Variants in LRRCC1 observed in about 807,000 individuals in gnomAD.
The protein encoded by LRRCC1 is leucine rich repeat and coiled-coil centrosomal protein 1.
Under a neutral mutation model 126.0 loss-of-function variants are expected in LRRCC1, and 115 were observed. That is an observed-to-expected ratio of 0.91 (90% confidence interval 0.78 to 1.07). The LOEUF is 1.07. LRRCC1 is among the 50% of genes least tolerant of loss of function. The pLI is 0.00. For synonymous variants in LRRCC1, 400 were observed against 393.4 expected, an observed-to-expected ratio of 1.02 and a Z score of -0.20; for missense variants, 1,172 against 1,175.7, an observed-to-expected ratio of 1.00 and a Z score of 0.05.
chr8:85,132,208 C>T (rs1810519740), intron 12 of LRRCC1, among the ~76,000 whole-genome samples: 1 of 152,112 alleles, frequency 6.6e-6, no homozygotes, highest in Non-Finnish European at 1.5e-5. Flanking sequence ...CCTGAATTCC[C>T]TCCTATTACT....
intron 18 of LRRCC1, among the ~76,000 whole-genome samples, chr8:85,144,552 T>A (rs1294684345): frequency 6.9e-6 from 1 of 145,340 alleles, no homozygotes; most frequent in Non-Finnish European, 1.5e-5. Context: ...TACTGCAACC[T>A]CCACCTCCTG....
intron 10 of LRRCC1, 51 bp downstream of exon 10, chr8:85,129,430 G>A: frequency 6.9e-7 from 1 of 1,439,662 alleles, no homozygotes; most frequent in African/African-American, 1.4e-5. Context: ...CAAATTCATA[G>A]CTTCTATCGT....
At chr8:85,145,260 A>T (rs1168377380) in intron 18 of LRRCC1, 129 bp from the exon 19 acceptor site, 1 of 660,896 alleles carries the variant, frequency 1.5e-6, no homozygotes, top group East Asian at 3.3e-5. Flanking sequence ...CATTTTACTG[A>T]CATTTCTTTA....
chr8:85,126,209 G>T (rs1809982117), intron 8 of LRRCC1, among the ~76,000 whole-genome samples: 2 of 152,066 alleles, frequency 1.3e-5, no homozygotes, highest in Non-Finnish European at 2.9e-5. Flanking sequence ...TTTATTGATT[G>T]GTTATTATGT....
intron 6 of LRRCC1, among the ~76,000 whole-genome samples, chr8:85,121,805 G>A (rs1809582027): frequency 6.6e-6 from 1 of 152,174 alleles, no homozygotes; most frequent in South Asian, 2.1e-4. Flanking sequence ...ACTTGAAACA[G>A]TCTACTTAGA....
Position 85,124,921 on chromosome 8 carries a change from A to T in LRRCC1, c.1254A>T (p.Ser418=). 3 of 1,603,166 alleles carry T rather than the reference A, an allele frequency of 1.9e-6. No homozygotes were observed. Among genetic ancestry groups the T allele is most frequent in the South Asian group, 1.1e-5 (1 of 88,500 alleles). Residue 418 remains serine, a synonymous_variant, in exon 8 of 19, where the codon TCA becomes TCT. Transcript: ENST00000360375. ...TAATTAAAGTAGACCAAAGTCACTCAGAAGACAACACTTACCAGGTATGAT... is the reference window on the plus strand; with the variant it reads ...TAATTAAAGTAGACCAAAGTCACTCTGAAGACAACACTTACCAGGTATGAT... ...TEIIKVDQSH[S]EDNTYQSLVE...
chr8:85,129,115 A>G, intron 9 of LRRCC1, 60 bp from the exon 10 acceptor site: 1 of 1,267,670 alleles, frequency 7.9e-7, no homozygotes, highest in Admixed American at 2.1e-5. Context: ...ATTGAAGTCA[A>G]CAATTTTATC....
intron 6 of LRRCC1, among the ~76,000 whole-genome samples, chr8:85,121,202 G>A (rs1175131993): frequency 6.6e-6 from 1 of 152,094 alleles, no homozygotes; most frequent in Non-Finnish European, 1.5e-5. Flanking sequence ...ATTTAAATGG[G>A]TCTTGTGGAC....
At chr8:85,137,425 G>T (rs1810948804) in intron 14 of LRRCC1, 39 bp from the exon 15 acceptor site, 1 of 1,392,204 alleles carries the variant, frequency 7.2e-7, no homozygotes. Flanking sequence ...AACCCCCAAG[G>T]TGTTTCAAAG....
At position 85,107,345 on chromosome 8, in the gene LRRCC1, A is replaced by G; in HGVS notation, c.50A>G (p.Glu17Gly). Residue 17 changes from glutamate (E) to glycine (G), a missense_variant, in exon 1 of 19, where the codon GAA becomes GGA. By Grantham distance (98) the Glu-to-Gly change is moderately conservative. Coordinates refer to ENST00000360375, the MANE Select transcript of LRRCC1 (RefSeq NM_033402.5). ...VVAAEAEVEN[E>G]DGDSSCGDVC... ...GCGGCAGAGGCGGAAGTGGAAAACG[A>G]AGACGGCGACAGCAGCTGCGGGGAT... 6.2e-7 allele frequency: 1 copy of G among 1,613,810 alleles called. No individual in the cohort carries two copies. Among genetic ancestry groups the G allele is most frequent in the Non-Finnish European group, 8.5e-7 (1 of 1,179,798 alleles).
intron 6 of LRRCC1, among the ~76,000 whole-genome samples, chr8:85,115,984 C>T (rs932634462): frequency 6.6e-6 from 1 of 152,210 alleles, no homozygotes; most frequent in Admixed American, 6.5e-5. Context: ...ACTTCTACAA[C>T]TTATAGCTAA....
chr8:85,138,147 T>C lies in LRRCC1; in HGVS notation c.2606T>C (p.Leu869Pro). ...AAATCTTCACAACTGGATGAGGTAC[T>C]TGAGAAGTTGGAAAGGCACAATGAA... ...DEKSSQLDEVLEKLERHNERK... is the reference protein window; with the variant it reads ...DEKSSQLDEVPEKLERHNERK... Residue 869 changes from leucine (L) to proline (P), a missense_variant, in exon 16 of 19, where the codon CTT becomes CCT. Coordinates refer to ENST00000360375, the MANE Select transcript of LRRCC1 (RefSeq NM_033402.5). 1 of 1,611,192 alleles carries C rather than the reference T, an allele frequency of 6.2e-7. No homozygotes were observed. The highest frequency in any genetic ancestry group is 2.2e-5 in the East Asian group (1 of 44,724).
Position 85,107,289 on chromosome 8 carries a change from C to T in LRRCC1, c.-7C>T, listed in dbSNP as rs1808303864. On this transcript the variant is annotated 5_prime_UTR_variant, in exon 1 of 19. Coordinates refer to ENST00000360375, the MANE Select transcript of LRRCC1 (RefSeq NM_033402.5). ...CGGTTAAGACCCCGCTCCCCGTCGC[C>T]AGTGCTATGGAGGCGGCGGCGGCGG... is the stretch of plus-strand genomic sequence containing the variant. The T allele has an allele frequency of 6.2e-7, 1 of 1,609,272 alleles. No individual in the cohort carries two copies. Among genetic ancestry groups the T allele is most frequent in the Admixed American group, 1.7e-5 (1 of 59,296 alleles).
intron 17 of LRRCC1, among the ~76,000 whole-genome samples, chr8:85,140,037 A>T (rs1324180599): frequency 6.6e-6 from 1 of 152,208 alleles, no homozygotes; most frequent in East Asian, 1.9e-4. Flanking sequence ...ACAAATTTAC[A>T]ATTAGGAGTC....
intron 6 of LRRCC1, among the ~76,000 whole-genome samples, chr8:85,116,148 A>G (rs919448067): frequency 3.9e-5 from 6 of 152,166 alleles, no homozygotes; most frequent in South Asian, 4.1e-4. Context: ...ATGAACTACA[A>G]TTCCTAGAAT....
At chr8:85,119,052 C>G (rs898849409) in intron 6 of LRRCC1, among the ~76,000 whole-genome samples, 2 of 151,880 alleles carry the variant, frequency 1.3e-5, no homozygotes, top group Admixed American at 6.6e-5. Flanking sequence ...TCAGTTATCT[C>G]AGTACCATTT....
chr8:85,111,877 T>G (rs374380482), intron 3 of LRRCC1, among the ~76,000 whole-genome samples: 11 of 152,006 alleles, frequency 7.2e-5, no homozygotes, highest in East Asian at 5.8e-4. Context: ...GTTTTGTTTT[T>G]TTTTTTTTTT....
intron 8 of LRRCC1, among the ~76,000 whole-genome samples, chr8:85,125,972 CAA>C (rs1240486389): frequency 6.6e-6 from 1 of 151,976 alleles, no homozygotes; most frequent in Non-Finnish European, 1.5e-5. Context: ...CTGTGTTTCC[CAA>C]GTTACATATT....
chr8:85,111,638 AG>A (rs1234246337), intron 3 of LRRCC1, among the ~76,000 whole-genome samples: 7 of 152,172 alleles, frequency 4.6e-5, no homozygotes, highest in African/African-American at 1.7e-4. Flanking sequence ...AATCAGCAAA[AG>A]ATTTGAACAG....
Sources: gnomAD v4.1 joint callset for allele counts (sites outside exome capture counted in the v4.1 genomes callset) on GRCh38, gnomAD v4.1.1 for gene constraint, MANE v1.5 for transcripts, NCBI Gene and HGNC (gene_info 2026-07-23, HGNC 2026-07-21) for gene names.